The following MORC1 variants were observed in gnomAD, a reference collection of about 807,000 sequenced individuals.
The protein encoded by MORC1 is MORC family CW-type zinc finger 1.
Under a neutral mutation model 134.9 loss-of-function variants are expected in MORC1, and 59 were observed. The observed-to-expected ratio is 0.44, with a 90% confidence interval of 0.35 to 0.54. The LOEUF (loss-of-function observed/expected upper bound fraction) is 0.54. Ranked by LOEUF, MORC1 falls within the 20% of genes least tolerant of loss-of-function variation. MORC1 has a pLI of 0.00. For synonymous variants in MORC1, 395 were observed against 391.7 expected (o/e 1.01, Z -0.10); for missense variants, 947 against 1,134.5 (o/e 0.83, Z 2.37).
At chr3:109,036,860 C>T (rs937469227) in intron 14 of MORC1, among the ~76,000 whole-genome samples, 4 of 152,134 alleles carry the variant, frequency 2.6e-5, no homozygotes, top group African/African-American at 9.7e-5. Context: ...TTAATTCAGA[C>T]TTTCAGTTTC....
intron 14 of MORC1, among the ~76,000 whole-genome samples, chr3:109,044,426 C>T (rs1360478826): frequency 2.0e-5 from 3 of 151,726 alleles, no homozygotes; most frequent in East Asian, 3.9e-4. Flanking sequence ...GGCATGGTGG[C>T]GGGCACCTGT....
intron 14 of MORC1, among the ~76,000 whole-genome samples, chr3:109,044,351 G>C (rs192872623): frequency 1.4e-3 from 220 of 152,060 alleles, no homozygotes; most frequent in Admixed American, 3.5e-3. Context: ...GAGGTCAGGA[G>C]ATCCAGACCA....
chr3:108,994,376 G>A (rs2107499309), intron 21 of MORC1, among the ~76,000 whole-genome samples: 1 of 151,798 alleles, frequency 6.6e-6, no homozygotes, highest in South Asian at 2.1e-4. Flanking sequence ...AATGACCACA[G>A]AGACAAAAGG....
chr3:109,059,773 G>A, intron 12 of MORC1, 33 bp downstream of exon 12: 1 of 1,591,614 alleles, frequency 6.3e-7, no homozygotes, highest in Non-Finnish European at 8.6e-7. Flanking sequence ...AGAGTACAGA[G>A]GATTCCTGCA....
rs185654003 is a variant in MORC1 at position 109,066,702 on chromosome 3, G to A, written c.815+2930C>T. Among the ~76,000 whole-genome samples, 482 of 152,248 alleles carry A rather than the reference G, an allele frequency of 3.2e-3. 1 individual carries two copies. The highest frequency in any genetic ancestry group is 0.011 in the African/African-American group (457 of 41,536). On this transcript the variant is annotated intron_variant, in intron 9 of 27. Transcript: ENST00000232603. ...ATTTGTATAATAACAACTACTATTG[G>A]TTAACAAACTTTTCAGAAACCTTGC...
chr3:109,007,656 G>A (rs9879907), intron 17 of MORC1, among the ~76,000 whole-genome samples: 31,029 of 152,028 alleles, frequency 0.2, 3,518 homozygotes, highest in Middle Eastern at 0.33. Flanking sequence ...CACCCTTCAA[G>A]TCTCAGTTAA....
At chr3:108,962,259 A>G (rs1947099598) in intron 27 of MORC1, among the ~76,000 whole-genome samples, 1 of 151,298 alleles carries the variant, frequency 6.6e-6, no homozygotes, top group Admixed American at 6.6e-5. Context: ...TCTTTTGGCA[A>G]TATACTTAAA....
rs116347281 is a variant in MORC1, at chr3:108,984,525, C to T, written c.2324+191G>A. The stretch of plus-strand genomic sequence containing the variant: ...CCATTTCATTATTTCCAGTTCTTCA[C>T]GAAAGAAATGAAAAGGTTTGGGGGT... On this transcript the variant is annotated intron_variant, in intron 23 of 27. Transcript: ENST00000232603. 5.5e-3 allele frequency among the ~76,000 whole-genome samples: 785 copies of T among 142,244 alleles called. 18 individuals are homozygous for T. Among genetic ancestry groups the T allele is most frequent in the African/African-American group, 0.02 (754 of 37,116 alleles). The allele number at this position is 142,244 out of a possible 152,430, so 93.3% of individuals were successfully genotyped here. A position where few individuals can be genotyped will look rare whatever the true frequency, so the allele number is the denominator to read the frequency against.
At chr3:108,991,966 C>T (rs933987786) in intron 21 of MORC1, among the ~76,000 whole-genome samples, 1 of 152,132 alleles carries the variant, frequency 6.6e-6, no homozygotes, top group Non-Finnish European at 1.5e-5. Flanking sequence ...AAGCATCCAT[C>T]CTACGTGTTT....
intron 22 of MORC1, 92 bp from the exon 23 acceptor site, chr3:108,984,874 T>G: frequency 1.1e-6 from 1 of 871,030 alleles, no homozygotes; most frequent in Admixed American, 2.8e-5. Context: ...ACTACCTCTG[T>G]ATAATATGGA....
chr3:109,003,533 AC>A (rs1389238944), intron 20 of MORC1, among the ~76,000 whole-genome samples: 1 of 152,096 alleles, frequency 6.6e-6, no homozygotes, highest in African/African-American at 2.4e-5. Flanking sequence ...AGAGCATGCA[AC>A]ATATCTATAC....
At chr3:108,967,218 CAT>C (rs1285399660) in intron 26 of MORC1, among the ~76,000 whole-genome samples, 1 of 152,162 alleles carries the variant, frequency 6.6e-6, no homozygotes, top group Non-Finnish European at 1.5e-5. Flanking sequence ...TGAATAAACA[CAT>C]GTCTTATTCA....
At chr3:109,087,946 C>T (rs1375099608) in intron 8 of MORC1, among the ~76,000 whole-genome samples, 1 of 151,972 alleles carries the variant, frequency 6.6e-6, no homozygotes, top group African/African-American at 2.4e-5. Flanking sequence ...ATCTGATCAT[C>T]AACAAAGCTG....
At chr3:109,039,261 A>G (rs540095998) in intron 14 of MORC1, among the ~76,000 whole-genome samples, 1 of 152,258 alleles carries the variant, frequency 6.6e-6, no homozygotes, top group South Asian at 2.1e-4. Context: ...TACTATATCA[A>G]AGCAGAGGGT....
intron 10 of MORC1, 79 bp downstream of exon 10, chr3:109,063,073 T>C: frequency 9.3e-7 from 1 of 1,069,918 alleles, no homozygotes; most frequent in East Asian, 2.4e-5. Context: ...TAGAGCAATG[T>C]ATGTCTCAAA....
Position 109,061,893 on chromosome 3 carries a change from G to A in MORC1, c.966+95C>T, listed in dbSNP as rs1043598108. 3.6e-6 allele frequency: 4 copies of A among 1,114,034 alleles called. No homozygotes were observed. In the African/African-American group the frequency reaches 6.2e-5, roughly 17 times the overall value. 69.0% of individuals were successfully genotyped at this position (1,114,034 alleles called of 1,614,324 possible). A position where few individuals can be genotyped will look rare whatever the true frequency, so the allele number is the denominator to read the frequency against. ...CTTCTGAGCTTATCTGTGCTTAAAA[G>A]TTTAGGAAGTAGATGATAAGAGACA... On this transcript the variant is annotated intron_variant, in intron 11 of 27. Coordinates refer to ENST00000232603, the MANE Select transcript of MORC1 (RefSeq NM_014429.4).
chr3:109,069,007 T>C (rs1950258224), intron 9 of MORC1, among the ~76,000 whole-genome samples: 2 of 151,506 alleles, frequency 1.3e-5, no homozygotes, highest in East Asian at 1.9e-4. Context: ...AATACAAAAA[T>C]TGGCCAGGCG....
rs753959005 is a variant in MORC1 at position 109,093,473 on chromosome 3, C to T, written c.652G>A (p.Asp218Asn). 71 of 1,613,744 alleles carry T rather than the reference C, an allele frequency of 4.4e-5. No individual in the cohort carries two copies. The highest frequency in any genetic ancestry group is 5.8e-5 in the Non-Finnish European group (69 of 1,179,820). Residue 218 changes from aspartate (D) to asparagine (N), a missense_variant, in exon 8 of 28, where the codon GAC (aspartate) becomes AAC (asparagine). Physicochemically the swap from Asp to Asn is conservative, Grantham distance 23. This residue lies in a region of MORC1 where 214 missense variants were observed against 281.3 expected (regional missense o/e 0.76). Coordinates refer to ENST00000232603, the MANE Select transcript of MORC1 (RefSeq NM_014429.4). ...NGEPELDVKT[D>N]KEDILMAGAL... ...CCAGCCATCAGTATATCTTCTTTGT[C>T]AGTTTTAACATCCAACTCTGGTTCT...
At chr3:109,086,965 A>C (rs982737003) in intron 8 of MORC1, among the ~76,000 whole-genome samples, 3 of 152,170 alleles carry the variant, frequency 2.0e-5, no homozygotes, top group African/African-American at 7.2e-5. Context: ...TTAAATCCCA[A>C]GTAGCAAAAT....
Sources: allele counts gnomAD v4.1 joint callset (sites outside exome capture counted in the v4.1 genomes callset), GRCh38; gene constraint gnomAD v4.1.1; regional missense constraint gnomAD v4.1.1; transcripts MANE v1.5; gene names NCBI Gene and HGNC (gene_info 2026-07-23, HGNC 2026-07-21).